The following PAX2 variants were observed in gnomAD, a reference collection of about 807,000 sequenced individuals.
The protein encoded by PAX2 is paired box 2.
A neutral mutation model predicts 41.7 loss-of-function variants in PAX2; 9 were observed. The observed-to-expected ratio is 0.22, with a 90% CI of 0.13 to 0.38. The LOEUF is 0.38. Among genes scored for constraint, PAX2 ranks in the 10% least tolerant of loss-of-function variants. The probability of loss-of-function intolerance (pLI) is 1.00; values close to 1 mark genes in which losing one functional copy is unlikely to be tolerated. For missense variants in PAX2, 418 were observed against 531.6 expected, an observed-to-expected ratio of 0.79 and a Z score of 2.10; for synonymous variants, 221 against 212.7, an observed-to-expected ratio of 1.04 and a Z score of -0.34.
intron 6 of PAX2, among the ~76,000 whole-genome samples, chr10:100,808,263 C>A (rs998271313): frequency 5.3e-5 from 8 of 151,684 alleles, no homozygotes; most frequent in Non-Finnish European, 1.2e-4. Context: ...CTGATTTCTA[C>A]AGGAAGATCA....
At chr10:100,821,130 G>T (rs1362091784) in intron 7 of PAX2, among the ~76,000 whole-genome samples, 3 of 152,196 alleles carry the variant, frequency 2.0e-5, no homozygotes, top group Non-Finnish European at 2.9e-5. Context: ...AAAGAATGCT[G>T]CTGGGCAAAT....
intron 5 of PAX2, among the ~76,000 whole-genome samples, chr10:100,783,435 G>A (rs12254801): frequency 0.023 from 3,483 of 152,308 alleles, 143 homozygotes; most frequent in African/African-American, 0.08. Flanking sequence ...TGCTCTTTGA[G>A]GAGGGGCCTG....
intron 5 of PAX2, among the ~76,000 whole-genome samples, chr10:100,796,436 C>A (rs1847341368): frequency 6.6e-6 from 1 of 152,128 alleles, no homozygotes; most frequent in African/African-American, 2.4e-5. Flanking sequence ...ATGTACATGT[C>A]CTTTTAAAAT....
At chr10:100,760,890 C>T (rs552413975) in intron 3 of PAX2, among the ~76,000 whole-genome samples, 5 of 152,272 alleles carry the variant, frequency 3.3e-5, no homozygotes, top group African/African-American at 7.2e-5. Context: ...CCTCACTCCC[C>T]GCTGCTTCTC....
rs1845128285 is a variant in PAX2 at position 100,745,657 on chromosome 10, T to C, written c.-604T>C. ...GAGCTGCCAGCGCCGCTCGGCTCCC[T>C]CCCTCCCTCCCGGCCCTTCGGCCGC... On this transcript the variant is annotated 5_prime_UTR_variant, in exon 1 of 10. Transcript: ENST00000355243. 1.8e-5 allele frequency: 13 copies of C among 737,194 alleles called. No homozygotes were observed. In the South Asian group the frequency reaches 6.8e-4, roughly 39 times the overall value. 45.7% of individuals were successfully genotyped at this position (737,194 alleles called of 1,614,324 possible). A position where few individuals can be genotyped will look rare whatever the true frequency, so the allele number is the denominator to read the frequency against.
intron 3 of PAX2, among the ~76,000 whole-genome samples, chr10:100,766,911 T>C (rs564838350): frequency 6.6e-6 from 1 of 152,256 alleles, no homozygotes; most frequent in East Asian, 1.9e-4. Context: ...GGAAAAAAGA[T>C]GCTGATATGA....
chr10:100,823,402 G>A (rs2133982114), intron 7 of PAX2, among the ~76,000 whole-genome samples: 1 of 152,292 alleles, frequency 6.6e-6, no homozygotes, highest in Non-Finnish European at 1.5e-5. Flanking sequence ...AACTCATACA[G>A]CTCTGGAATG....
chr10:100,779,975 T>A (rs1264579021), intron 4 of PAX2, among the ~76,000 whole-genome samples: 1 of 152,186 alleles, frequency 6.6e-6, no homozygotes, highest in Non-Finnish European at 1.5e-5. Flanking sequence ...CTTTCTTTTA[T>A]ATCAACTTTC....
At chr10:100,744,750 C>G (rs945705292), upstream of PAX2, among the ~76,000 whole-genome samples, 3 of 152,256 alleles carry the variant, frequency 2.0e-5, no homozygotes, top group Admixed American at 2.0e-4. Context: ...AGTCCCCCGG[C>G]TCTCCCGCCA....
intron 1 of PAX2, among the ~76,000 whole-genome samples, chr10:100,736,933 C>A (rs1844792415): frequency 6.6e-6 from 1 of 152,236 alleles, no homozygotes; most frequent in African/African-American, 2.4e-5. Context: ...CATCTGTGCA[C>A]CCCCTCGACC....
chr10:100,755,285 G>C (rs1370103048), intron 3 of PAX2, among the ~76,000 whole-genome samples: 2 of 152,196 alleles, frequency 1.3e-5, no homozygotes, highest in Non-Finnish European at 2.9e-5. Context: ...TTCTGTGGGT[G>C]TTCAGGCTAC....
At chr10:100,825,280 G>A (rs115538091) in intron 8 of PAX2, among the ~76,000 whole-genome samples, 2,893 of 152,280 alleles carry the variant, frequency 0.019, 48 homozygotes, top group Non-Finnish European at 0.027. Flanking sequence ...ATGGAGGTCA[G>A]GCTGCGGCGG....
chr10:100,757,906 C>T (rs534273076), intron 3 of PAX2, among the ~76,000 whole-genome samples: 2 of 152,236 alleles, frequency 1.3e-5, no homozygotes, highest in South Asian at 4.1e-4. Context: ...GAGGGAGCAG[C>T]CTCTTGTAGG....
upstream of PAX2, among the ~76,000 whole-genome samples, chr10:100,745,047 G>A (rs1484340782): frequency 6.6e-6 from 1 of 151,990 alleles, no homozygotes; most frequent in South Asian, 2.1e-4. Context: ...ACTCAGAGCC[G>A]AGGGTGGTGG....
Position 100,827,426 on chromosome 10 carries a change from C to T in PAX2, c.1109-117C>T, listed in dbSNP as rs1000667828. 6.6e-6 allele frequency: 7 copies of T among 1,055,164 alleles called. No individual in the cohort carries two copies. The highest frequency in any genetic ancestry group is 8.8e-6 in the Non-Finnish European group (6 of 679,822). The allele number at this position is 1,055,164 out of a possible 1,614,324, so 65.4% of individuals were successfully genotyped here. ...GCTCCACTGCCCAGCCAAGGTCTCC[C>T]AGTCCGGATCCCGCTGGACCCCAGC... On this transcript the variant is annotated intron_variant, in intron 9 of 9. Transcript: ENST00000355243. The surrounding 1 kb of genome is among the most constrained non-coding windows in gnomAD (Gnocchi z 8.5).
chr10:100,812,733 C>T (rs1055302885), intron 7 of PAX2, among the ~76,000 whole-genome samples: 1 of 152,240 alleles, frequency 6.6e-6, no homozygotes, highest in African/African-American at 2.4e-5. Context: ...CATGCAGAGA[C>T]ACTGGCAGTG....
At chr10:100,788,426 C>T (rs751697394) in intron 5 of PAX2, among the ~76,000 whole-genome samples, 18 of 152,238 alleles carry the variant, frequency 1.2e-4, no homozygotes, top group East Asian at 1.9e-4. Context: ...AGGAGGACCC[C>T]GAGGAAGACC....
intron 5 of PAX2, among the ~76,000 whole-genome samples, chr10:100,783,496 T>G (rs554174976): frequency 6.6e-6 from 1 of 152,254 alleles, no homozygotes; most frequent in Non-Finnish European, 1.5e-5. Flanking sequence ...AAATTCTATC[T>G]GATAGACTGA....
chr10:100,802,821 T>C (rs1847613193), intron 5 of PAX2, among the ~76,000 whole-genome samples: 1 of 152,122 alleles, frequency 6.6e-6, no homozygotes, highest in African/African-American at 2.4e-5. Context: ...CCTTCCCTGC[T>C]CACTAGATTA....
Sources: gnomAD v4.1 joint callset for allele counts (sites outside exome capture counted in the v4.1 genomes callset) on GRCh38, gnomAD v4.1.1 for gene constraint, Gnocchi (gnomAD v3.1) non-coding constraint, MANE v1.5 for transcripts, NCBI Gene and HGNC (gene_info 2026-07-23, HGNC 2026-07-21) for gene names.